The following CSRNP3 variants were observed in gnomAD, a reference collection of about 807,000 sequenced individuals.
CSRNP3 encodes cysteine/serine-rich nuclear protein 3.
A neutral mutation model predicts 48.0 loss-of-function variants in CSRNP3; 12 were observed. The observed-to-expected ratio is 0.25, with a 90% CI of 0.16 to 0.41. The LOEUF (loss-of-function observed/expected upper bound fraction) is 0.41. Ranked by LOEUF, CSRNP3 falls within the 10% of genes least tolerant of loss-of-function variation. The probability of loss-of-function intolerance (pLI) is 1.00; values close to 1 mark genes in which losing one functional copy is unlikely to be tolerated. For missense variants in CSRNP3, 580 were observed against 724.4 expected (o/e 0.80, Z 2.29); for synonymous variants, 263 against 269.7 (o/e 0.98, Z 0.24).
At chr2:165,535,051 T>C (rs901669584) in intron 3 of CSRNP3, among the ~76,000 whole-genome samples, 2 of 151,840 alleles carry the variant, frequency 1.3e-5, no homozygotes, top group African/African-American at 4.8e-5. Context: ...ATTGATACTG[T>C]AAGAATAATG....
At chr2:165,574,490 T>C in intron 3 of CSRNP3, 1 of 1,169,716 alleles carries the variant, frequency 8.5e-7, no homozygotes, top group South Asian at 1.5e-5. Context: ...CTGATGGGCA[T>C]TGGCTATTTT....
chr2:165,487,444 A>C (rs1347298907), intron 1 of CSRNP3, among the ~76,000 whole-genome samples: 1 of 137,530 alleles, frequency 7.3e-6, no homozygotes, highest in Non-Finnish European at 1.6e-5. Flanking sequence ...AATACAGAGA[A>C]CGCCACAAAG....
At chr2:165,509,126 TCA>T (rs1281175075) in intron 2 of CSRNP3, among the ~76,000 whole-genome samples, 4 of 152,294 alleles carry the variant, frequency 2.6e-5, no homozygotes, top group Admixed American at 2.0e-4. Context: ...GCCCCTCCCC[TCA>T]TGATGTCTAC....
chr2:165,541,402 C>A (rs568113748), intron 3 of CSRNP3, among the ~76,000 whole-genome samples: 1 of 151,992 alleles, frequency 6.6e-6, no homozygotes, highest in Non-Finnish European at 1.5e-5. Flanking sequence ...CTACAGAGGT[C>A]GTCCCATAGG....
chr2:165,605,808 T>A (rs1686000795), intron 4 of CSRNP3, among the ~76,000 whole-genome samples: 1 of 152,118 alleles, frequency 6.6e-6, no homozygotes, highest in African/African-American at 2.4e-5. Context: ...AAATTATTCT[T>A]CTGAAAAAGA....
intron 4 of CSRNP3, among the ~76,000 whole-genome samples, chr2:165,640,295 G>A (rs1686703244): frequency 6.6e-6 from 1 of 152,136 alleles, no homozygotes; most frequent in African/African-American, 2.4e-5. Flanking sequence ...TTATACATGA[G>A]GTGAGCGAGA....
At chr2:165,591,998 A>C (rs1685725493) in intron 3 of CSRNP3, among the ~76,000 whole-genome samples, 1 of 152,132 alleles carries the variant, frequency 6.6e-6, no homozygotes, top group African/African-American at 2.4e-5. Flanking sequence ...TGCACCATGC[A>C]CCTGGAAAAG....
At chr2:165,497,526 T>G (rs1253913550) in intron 2 of CSRNP3, among the ~76,000 whole-genome samples, 1 of 152,090 alleles carries the variant, frequency 6.6e-6, no homozygotes, top group East Asian at 1.9e-4. Context: ...TTATTAATTA[T>G]TTTATAAAGT....
chr2:165,521,214 G>T (rs1191295204), intron 3 of CSRNP3, among the ~76,000 whole-genome samples: 1 of 151,388 alleles, frequency 6.6e-6, no homozygotes, highest in Non-Finnish European at 1.5e-5. Flanking sequence ...GCAGAGGGCT[G>T]GTTGAAGGTT....
rs1687521486 is a variant in CSRNP3, at chr2:165,680,753, T to A, written c.*1000T>A. On this transcript the variant is annotated 3_prime_UTR_variant, in exon 7 of 7. Transcript: ENST00000651982. ...GGTTCATATAATTAATATAGAGGAA[T>A]CATCCAATGATACTTATGAAGGGAA... 1 of 152,058 alleles carries A rather than the reference T, an allele frequency of 6.6e-6. No homozygotes were observed. Among genetic ancestry groups the A allele is most frequent in the Non-Finnish European group, 1.5e-5 (1 of 68,008 alleles). The allele number at this position is 152,058 out of a possible 1,614,324, so 9.4% of individuals were successfully genotyped here.
chr2:165,612,365 T>A (rs1686152573), intron 4 of CSRNP3, among the ~76,000 whole-genome samples: 1 of 152,030 alleles, frequency 6.6e-6, no homozygotes, highest in Admixed American at 6.6e-5. Flanking sequence ...CATACAAATA[T>A]CAGTAGTGTG....
chr2:165,487,829 C>T (rs926127218), intron 1 of CSRNP3, among the ~76,000 whole-genome samples: 15 of 148,580 alleles, frequency 1.0e-4, no homozygotes, highest in Admixed American at 4.7e-4. Flanking sequence ...CGGTACCAGC[C>T]GCTGCAAAAT....
In CSRNP3 at chr2:165,570,461, A is replaced by AT. The variant is rs1170325402; in HGVS notation, c.-23-24574dup. Among the ~76,000 whole-genome samples the AT allele has an allele frequency of 5.3e-5, 8 of 151,648 alleles. No individual in the cohort carries two copies. In the East Asian group the frequency reaches 7.7e-4, roughly 15 times the overall value. On this transcript the variant is annotated intron_variant, in intron 3 of 6. Coordinates refer to ENST00000651982, the MANE Select transcript of CSRNP3 (RefSeq NM_001172173.2). Reference sequence around the variant, plus strand: ...ACACACAAATTTCACATATATGTGGATTTTTTTTCCCAATTTCTCAGCTCT... The same window carrying AT: ...ACACACAAATTTCACATATATGTGGATTTTTTTTTCCCAATTTCTCAGCTCT...
intron 4 of CSRNP3, among the ~76,000 whole-genome samples, chr2:165,627,861 A>G (rs532552089): frequency 1.3e-5 from 2 of 152,214 alleles, no homozygotes; most frequent in South Asian, 2.1e-4. Flanking sequence ...GATGTTACAC[A>G]TGTTCCTCCC....
chr2:165,487,644 CA>C (rs1207898985), intron 1 of CSRNP3, among the ~76,000 whole-genome samples: 4 of 143,568 alleles, frequency 2.8e-5, no homozygotes, highest in East Asian at 2.1e-4. Context: ...CAATATTCAA[CA>C]TTCTTAAAGA....
chr2:165,659,931 G>A (rs943336129), intron 5 of CSRNP3, among the ~76,000 whole-genome samples: 2 of 152,104 alleles, frequency 1.3e-5, no homozygotes, highest in African/African-American at 4.8e-5. Context: ...AAATTAAGCT[G>A]GATACAAGCT....
At chr2:165,608,583 A>G (rs1045150178) in intron 4 of CSRNP3, among the ~76,000 whole-genome samples, 3 of 152,266 alleles carry the variant, frequency 2.0e-5, no homozygotes, top group African/African-American at 7.2e-5. Flanking sequence ...TGTATGTGCT[A>G]ATTGTGGTGA....
intron 4 of CSRNP3, among the ~76,000 whole-genome samples, chr2:165,655,132 C>T (rs1686981227): frequency 6.6e-6 from 1 of 152,078 alleles, no homozygotes. Context: ...TACCTAAATC[C>T]AATTAGAGTC....
chr2:165,536,574 TA>T (rs751617088), intron 3 of CSRNP3, among the ~76,000 whole-genome samples: 13 of 151,930 alleles, frequency 8.6e-5, no homozygotes, highest in Non-Finnish European at 1.6e-4. Flanking sequence ...TCTGGGTGTT[TA>T]TTGACCTCAC....
Sources: allele counts gnomAD v4.1 joint callset (sites outside exome capture counted in the v4.1 genomes callset), GRCh38; gene constraint gnomAD v4.1.1; transcripts MANE v1.5; gene names NCBI Gene and HGNC (gene_info 2026-07-23, HGNC 2026-07-21).